PCNX1: variants seen among roughly 807,000 people sequenced by gnomAD.
PCNX1 encodes the protein pecanex-like protein 1.
PCNX1 carries 78 observed loss-of-function variants against 242.2 expected under a neutral mutation model. The observed-to-expected ratio is 0.32, with a 90% CI of 0.27 to 0.39. The LOEUF is 0.39. PCNX1 is among the 10% of genes least tolerant of loss of function. PCNX1 has a pLI of 1.00. For synonymous variants in PCNX1, 1,024 were observed against 1,032.9 expected (o/e 0.99, Z 0.17); for missense variants, 2,581 against 2,856.5 (o/e 0.90, Z 2.20).
chr14:70,917,388 G>A (rs1200448972), intron 1 of PCNX1, among the ~76,000 whole-genome samples: 1 of 152,150 alleles, frequency 6.6e-6, no homozygotes. Context: ...ACTAAGACTT[G>A]ATAGTCAAAA....
chr14:70,965,703 C>A (rs537353172), intron 3 of PCNX1, among the ~76,000 whole-genome samples: 1 of 151,218 alleles, frequency 6.6e-6, no homozygotes, highest in South Asian at 2.1e-4. Flanking sequence ...TAAAAATTGC[C>A]ATAGGAATGG....
chr14:71,042,668 T>C (rs2060743728), intron 19 of PCNX1, among the ~76,000 whole-genome samples: 1 of 152,128 alleles, frequency 6.6e-6, no homozygotes, highest in Non-Finnish European at 1.5e-5. Flanking sequence ...GACATCAGGA[T>C]ACACATCTGG....
At chr14:71,068,401 CGT>C (rs1491257656) in intron 26 of PCNX1, among the ~76,000 whole-genome samples, 2 of 147,716 alleles carry the variant, frequency 1.4e-5, no homozygotes, top group South Asian at 4.2e-4. Flanking sequence ...TTTATGTATA[CGT>C]ATATATATGT....
chr14:71,097,779 G>A (rs1397729185), intron 30 of PCNX1, among the ~76,000 whole-genome samples: 1 of 152,106 alleles, frequency 6.6e-6, no homozygotes, highest in Non-Finnish European at 1.5e-5. Flanking sequence ...AAGCTCTTCA[G>A]TTTAATTAGG....
At chr14:71,049,047 A>G (rs1176708149) in intron 22 of PCNX1, 1 of 953,952 alleles carries the variant, frequency 1.0e-6, no homozygotes, top group African/African-American at 1.8e-5. Flanking sequence ...AATTGTATAA[A>G]GAAGCATGTG....
At chr14:70,960,909 T>C (rs1334280316) in intron 2 of PCNX1, among the ~76,000 whole-genome samples, 1 of 152,054 alleles carries the variant, frequency 6.6e-6, no homozygotes, top group African/African-American at 2.4e-5. Context: ...TGAACTCCCA[T>C]TCACAATTGC....
intron 8 of PCNX1, among the ~76,000 whole-genome samples, chr14:71,004,688 G>A (rs903946053): frequency 1.3e-5 from 2 of 152,110 alleles, no homozygotes; most frequent in African/African-American, 2.4e-5. Context: ...ATTTCTGTGT[G>A]GGTAAAAACT....
intron 2 of PCNX1, among the ~76,000 whole-genome samples, chr14:70,949,262 C>CACACATAT (rs2057646967): frequency 1.7e-4 from 4 of 23,674 alleles, no homozygotes; most frequent in Non-Finnish European, 4.7e-4. Flanking sequence ...TACACACACA[C>CACACATAT]GTGTATGCAC....
chr14:71,060,587 A>G (rs1012128078), intron 26 of PCNX1: 2 of 152,192 alleles, frequency 1.3e-5, no homozygotes, highest in African/African-American at 4.8e-5. Flanking sequence ...CCAGGAAGCT[A>G]AATTAAAAGT....
chr14:71,071,226 C>CA (rs2061578683), intron 26 of PCNX1, among the ~76,000 whole-genome samples: 1 of 152,222 alleles, frequency 6.6e-6, no homozygotes. Flanking sequence ...CCAGACCACT[C>CA]AAACATTCTC....
rs531963609 is a variant in PCNX1 at position 71,006,395 on chromosome 14, AT to A, written c.2630-3230del. On this transcript the variant is annotated intron_variant, in intron 8 of 35. Coordinates refer to ENST00000304743, the MANE Select transcript of PCNX1 (RefSeq NM_014982.3). ...ATCGTGTTTATTTTGTTAGAAACTG[AT>A]TTTTTTTTCTCCTTAAGTCATGACA... Among the ~76,000 whole-genome samples, 1,077 of 151,316 alleles carry A rather than the reference AT, an allele frequency of 7.1e-3. 15 individuals carry two copies. Among genetic ancestry groups the A allele is most frequent in the African/African-American group, 0.025 (1,031 of 41,232 alleles).
At chr14:70,991,676 A>G (rs960965074) in intron 7 of PCNX1, among the ~76,000 whole-genome samples, 50 of 152,342 alleles carry the variant, frequency 3.3e-4, no homozygotes, top group African/African-American at 1.2e-3. Flanking sequence ...TCTGTGGGGA[A>G]TTAGGGAGAA....
rs1331868732 is a variant in PCNX1, at chr14:71,110,706, C to T, written c.*771C>T. The T allele has an allele frequency of 6.6e-6, 1 of 152,376 alleles. No individual in the cohort carries two copies. The highest frequency in any genetic ancestry group is 2.4e-5 in the African/African-American group (1 of 41,418). 9.4% of individuals were successfully genotyped at this position (152,376 alleles called of 1,614,324 possible). A position where few individuals can be genotyped will look rare whatever the true frequency, so the allele number is the denominator to read the frequency against. ...ATTTTCTTTAAAGTGAATATAGAAT[C>T]TCAAGATATACGTAGCTTCATCATT... On this transcript the variant is annotated 3_prime_UTR_variant, in exon 36 of 36. Transcript: ENST00000304743.
chr14:71,074,666 C>T lies in PCNX1; in HGVS notation c.5106+868C>T, dbSNP rs377422510. On this transcript the variant is annotated intron_variant, in intron 27 of 35. Transcript: ENST00000304743. The stretch of plus-strand genomic sequence containing the variant: ...CATGGTTGACCATCCACATGGCCAG[C>T]GTAAGTCTCCAGGACGTCCAGAGGT... 4.6e-5 allele frequency among the ~76,000 whole-genome samples: 7 copies of T among 152,172 alleles called. No homozygotes were observed. In the South Asian group the frequency reaches 8.3e-4, roughly 18 times the overall value.
intron 31 of PCNX1, among the ~76,000 whole-genome samples, chr14:71,102,447 G>C (rs1264413215): frequency 6.6e-6 from 1 of 151,874 alleles, no homozygotes; most frequent in African/African-American, 2.4e-5. Flanking sequence ...TGTGTTTTTT[G>C]TAGAGACAGG....
intron 6 of PCNX1, among the ~76,000 whole-genome samples, chr14:70,978,871 G>A (rs45444594): frequency 0.014 from 2,160 of 152,030 alleles, 22 homozygotes; most frequent in Non-Finnish European, 0.023. Flanking sequence ...ACGTCAATTT[G>A]TTCTTGATGG....
At chr14:71,061,590 AC>A (rs1303310648) in intron 26 of PCNX1, among the ~76,000 whole-genome samples, 2 of 152,322 alleles carry the variant, frequency 1.3e-5, no homozygotes, top group East Asian at 3.9e-4. Flanking sequence ...AACTGAAAAG[AC>A]ACTGATGCAA....
At position 71,110,128 on chromosome 14, in the gene PCNX1, A is replaced by G. The variant is rs2141917980; in HGVS notation, c.*193A>G. ...CTCCTGTCACTGTCTCCATCCCCAA[A>G]TAAAGCTGAAATATTTTTTTAAGTT... On this transcript the variant is annotated 3_prime_UTR_variant, in exon 36 of 36. Transcript: ENST00000304743. 2 of 643,898 alleles carry G rather than the reference A, an allele frequency of 3.1e-6. No homozygotes were observed. Among genetic ancestry groups the G allele is most frequent in the South Asian group, 1.6e-5 (1 of 61,082 alleles). The allele number at this position is 643,898 out of a possible 1,614,324, so 39.9% of individuals were successfully genotyped here. A position where few individuals can be genotyped will look rare whatever the true frequency, so the allele number is the denominator to read the frequency against.
intron 2 of PCNX1, among the ~76,000 whole-genome samples, chr14:70,948,386 T>TA: frequency 6.6e-6 from 1 of 152,128 alleles, no homozygotes; most frequent in South Asian, 2.1e-4. Context: ...GGCCAACACT[T>TA]AGGGAAAATA....
Sources: gnomAD v4.1 joint callset for allele counts (sites outside exome capture counted in the v4.1 genomes callset) on GRCh38, gnomAD v4.1.1 for gene constraint, MANE v1.5 for transcripts, NCBI Gene and HGNC (gene_info 2026-07-23, HGNC 2026-07-21) for gene names.